Variants in NFX1 observed in about 807,000 individuals in gnomAD.
The protein encoded by NFX1 is nuclear transcription factor, X-box binding 1, also known as transcriptional repressor NF-X1.
Under a neutral mutation model 137.2 loss-of-function variants are expected in NFX1, and 69 were observed. That is an observed-to-expected ratio of 0.50 (90% CI 0.41 to 0.61). NFX1 has a LOEUF of 0.61. Among genes scored for constraint, NFX1 ranks in the 20% least tolerant of loss-of-function variants. NFX1 has a pLI of 0.00. For synonymous variants in NFX1, 495 were observed against 474.1 expected (o/e 1.04, Z -0.57); for missense variants, 1,167 against 1,391.0 (o/e 0.84, Z 2.56).
intron 4 of NFX1, among the ~76,000 whole-genome samples, chr9:33,303,993 T>G (rs1011178511): frequency 1.3e-5 from 2 of 152,170 alleles, no homozygotes; most frequent in Admixed American, 1.3e-4. Flanking sequence ...TGGGCCGGGC[T>G]TAGTGGCTCA....
chr9:33,339,627 C>T (rs1002973359), intron 12 of NFX1, among the ~76,000 whole-genome samples: 3 of 152,196 alleles, frequency 2.0e-5, no homozygotes, highest in Admixed American at 6.5e-5. Context: ...TCAGCATTAA[C>T]GCAAAAGTCT....
Position 33,351,801 on chromosome 9 carries a change from C to T in NFX1, c.2655+11C>T, listed in dbSNP as rs1285570750. ...GCTTGTAAAGCTAAGGTGGGTATTT[C>T]TGGCCACAGATGCAGCATTGACTGT... is the stretch of plus-strand genomic sequence containing the variant. On this transcript the variant is annotated intron_variant, in intron 16 of 23. Coordinates refer to ENST00000379540, the MANE Select transcript of NFX1 (RefSeq NM_002504.6). 6.4e-7 allele frequency: 1 copy of T among 1,557,868 alleles called. No homozygotes were observed. Among genetic ancestry groups the T allele is most frequent in the South Asian group, 1.2e-5 (1 of 81,384 alleles).
intron 15 of NFX1, among the ~76,000 whole-genome samples, chr9:33,350,923 A>G: frequency 6.6e-6 from 1 of 152,366 alleles, no homozygotes; most frequent in Admixed American, 6.5e-5. Flanking sequence ...AGGCAAGTGG[A>G]TCACTTGAAG....
intron 9 of NFX1, among the ~76,000 whole-genome samples, chr9:33,327,972 G>A (rs1322597521): frequency 6.6e-6 from 1 of 152,146 alleles, no homozygotes; most frequent in Non-Finnish European, 1.5e-5. Context: ...AGTCTACACT[G>A]GAGATGTGGG....
chr9:33,353,566 C>T (rs763723302), intron 17 of NFX1, among the ~76,000 whole-genome samples: 4 of 152,016 alleles, frequency 2.6e-5, no homozygotes, highest in Admixed American at 1.3e-4. Context: ...ATTGAGTCAC[C>T]TCATCGCTTC....
intron 11 of NFX1, among the ~76,000 whole-genome samples, chr9:33,333,825 C>G (rs1013737074): frequency 2.0e-5 from 3 of 151,964 alleles, no homozygotes; most frequent in African/African-American, 7.2e-5. Context: ...CCATCTGTAT[C>G]AAGGAAAAAA....
intron 4 of NFX1, among the ~76,000 whole-genome samples, chr9:33,306,410 G>C (rs1378525477): frequency 2.6e-5 from 4 of 152,200 alleles, no homozygotes; most frequent in Non-Finnish European, 5.9e-5. Context: ...TTGGACATAT[G>C]GGTCTGAAAC....
At chr9:33,369,608 A>G (rs992629400) in intron 23 of NFX1, among the ~76,000 whole-genome samples, 7 of 152,204 alleles carry the variant, frequency 4.6e-5, no homozygotes, top group African/African-American at 1.7e-4. Context: ...AATCATCATC[A>G]TATATGAAAT....
In NFX1 at chr9:33,318,805, T is replaced by A; in HGVS notation, c.1663T>A (p.Phe555Ile). 1 of 1,614,208 alleles carries A rather than the reference T, an allele frequency of 6.2e-7. No individual in the cohort carries two copies. The highest frequency in any genetic ancestry group is 1.1e-5 in the South Asian group (1 of 91,082). ...DVGKSDGFGD[F>I]SCLKICGKDL... The stretch of plus-strand genomic sequence containing the variant: ...AGGAAAGTCTGATGGATTTGGGGAT[T>A]TCAGCTGTTTAAAGATATGTGGCAA... Residue 555 changes from phenylalanine (F) to isoleucine (I), a missense_variant, in exon 8 of 24, where the codon TTC becomes ATC. By Grantham distance (21) the Phe-to-Ile change is conservative (BLOSUM62 0). Transcript: ENST00000379540.
At chr9:33,296,736 A>C (rs1290413568) in intron 2 of NFX1, among the ~76,000 whole-genome samples, 2 of 152,166 alleles carry the variant, frequency 1.3e-5, no homozygotes, top group African/African-American at 4.8e-5. Flanking sequence ...GGGGGGAAAA[A>C]AGTTACTTTA....
intron 9 of NFX1, among the ~76,000 whole-genome samples, chr9:33,327,640 C>T (rs1326261107): frequency 1.3e-5 from 2 of 152,314 alleles, no homozygotes; most frequent in East Asian, 1.9e-4. Context: ...GCTGGGATTA[C>T]AGGCGTGAGC....
chr9:33,309,768 C>T (rs552645083), intron 5 of NFX1, among the ~76,000 whole-genome samples: 2 of 152,292 alleles, frequency 1.3e-5, no homozygotes, highest in South Asian at 2.1e-4. Context: ...GCTGAGAGTA[C>T]AGGCATGAGC....
intron 9 of NFX1, among the ~76,000 whole-genome samples, chr9:33,325,341 T>C (rs1174055233): frequency 6.6e-6 from 1 of 152,010 alleles, no homozygotes; most frequent in African/African-American, 2.4e-5. Context: ...CAGAAGGCAG[T>C]AGGATGACAT....
intron 10 of NFX1, 110 bp from the exon 11 acceptor site, chr9:33,332,362 A>G (rs1822838337): frequency 3.8e-6 from 4 of 1,042,774 alleles, no homozygotes; most frequent in Admixed American, 4.4e-5. Flanking sequence ...AGTGACTATC[A>G]GAGAAGTATG....
At chr9:33,357,122 A>G (rs752752218) in intron 19 of NFX1, among the ~76,000 whole-genome samples, 9 of 151,494 alleles carry the variant, frequency 5.9e-5, no homozygotes, top group South Asian at 2.1e-4. Flanking sequence ...CCATCCTGGT[A>G]AAACCCCATC....
rs2118171851 is a variant in NFX1 at position 33,295,414 on chromosome 9, G to A, written c.1020G>A (p.Val340=). Residue 340 remains valine, a synonymous_variant, in exon 2 of 24, where the codon GTG becomes GTA. Coordinates refer to ENST00000379540, the MANE Select transcript of NFX1 (RefSeq NM_002504.6). ...AACAGAACCATGTGCTAAAGAATGTGGAAACGCACACAGGTAAACCTACCT... is the reference window on the plus strand; with the variant it reads ...AACAGAACCATGTGCTAAAGAATGTAGAAACGCACACAGGTAAACCTACCT... ...RGKQNHVLKN[V]ETHTGSLIEQ... 1.9e-6 allele frequency: 3 copies of A among 1,611,812 alleles called. No homozygotes were observed. In the East Asian group the frequency reaches 6.7e-5, roughly 36 times the overall value.
At chr9:33,326,605 A>G (rs1822599439) in intron 9 of NFX1, among the ~76,000 whole-genome samples, 1 of 151,906 alleles carries the variant, frequency 6.6e-6, no homozygotes, top group African/African-American at 2.4e-5. Flanking sequence ...CTGTAGTCCC[A>G]CCTACTCAAG....
intron 18 of NFX1, 86 bp from the exon 19 acceptor site, chr9:33,354,765 A>G: frequency 7.8e-7 from 1 of 1,285,422 alleles, no homozygotes; most frequent in Non-Finnish European, 1.1e-6. Flanking sequence ...CTGTGCTTCC[A>G]GGTTGACTGA....
rs1224902327 is a variant in NFX1 at position 33,325,391 on chromosome 9, C to T, written c.1907-3190C>T. ...AAGAAAACTGGCAACTGGCCGGGCG[C>T]GGTGGCTCACGCCTGTAATCCCAGC... is the stretch of plus-strand genomic sequence containing the variant. On this transcript the variant is annotated intron_variant, in intron 9 of 23. Transcript: ENST00000379540. Among the ~76,000 whole-genome samples the T allele has an allele frequency of 6.9e-5, 10 of 144,718 alleles. No individual in the cohort carries two copies. In the East Asian group the frequency reaches 1.6e-3, roughly 24 times the overall value. 94.9% of individuals were successfully genotyped at this position (144,718 alleles called of 152,430 possible).
Sources: gnomAD v4.1 joint callset for allele counts (sites outside exome capture counted in the v4.1 genomes callset) on GRCh38, gnomAD v4.1.1 for gene constraint, MANE v1.5 for transcripts, NCBI Gene and HGNC (gene_info 2026-07-23, HGNC 2026-07-21) for gene names.